Variants in ALDH4A1 observed in about 807,000 individuals in gnomAD.
ALDH4A1 encodes the protein delta-1-pyrroline-5-carboxylate dehydrogenase, mitochondrial.
A neutral mutation model predicts 70.5 loss-of-function variants in ALDH4A1; 46 were observed. The observed-to-expected ratio is 0.65, with a 90% confidence interval of 0.51 to 0.83. ALDH4A1 has a LOEUF of 0.83. Among genes scored for constraint, ALDH4A1 ranks in the 40% least tolerant of loss-of-function variants. The pLI is 0.00. For synonymous variants in ALDH4A1, 323 were observed against 324.3 expected (o/e 1.00, Z 0.04); for missense variants, 749 against 766.5 (o/e 0.98, Z 0.27).
At chr1:18,878,721 T>C (rs1173504475) in intron 9 of ALDH4A1, among the ~76,000 whole-genome samples, 4 of 152,234 alleles carry the variant, frequency 2.6e-5, no homozygotes, top group African/African-American at 7.2e-5. Flanking sequence ...TTCAAGGCTC[T>C]GAGAAGTTCT....
intron 1 of ALDH4A1, among the ~76,000 whole-genome samples, chr1:18,895,202 C>T (rs1348453643): frequency 6.6e-6 from 1 of 152,196 alleles, no homozygotes; most frequent in Non-Finnish European, 1.5e-5. Context: ...TCAGAGCAGC[C>T]CTCAGTCCTC....
At chr1:18,894,865 C>CTTTTTTTTTTTTTTTTTTTT (rs34445898) in intron 1 of ALDH4A1, among the ~76,000 whole-genome samples, 7 of 109,958 alleles carry the variant, frequency 6.4e-5, no homozygotes, top group East Asian at 5.2e-4. Flanking sequence ...TTCTTTCTTT[C>CTTTTTTTTTTTTTTTTTTTT]TTTTTTTTTT....
chr1:18,899,854 G>T (rs1935742834), intron 1 of ALDH4A1, among the ~76,000 whole-genome samples: 1 of 152,228 alleles, frequency 6.6e-6, no homozygotes, highest in Admixed American at 6.5e-5. Flanking sequence ...CACATGATTA[G>T]TTCATTCATT....
chr1:18,881,460 C>G (rs149019735), intron 8 of ALDH4A1, among the ~76,000 whole-genome samples: 3 of 152,284 alleles, frequency 2.0e-5, no homozygotes, highest in African/African-American at 7.2e-5. Flanking sequence ...AAGCTCTTTC[C>G]TGTTCATTAA....
rs776207072 is a variant in ALDH4A1, at chr1:18,872,859, C to A, written c.1678G>T (p.Ala560Ser). ...THKPLGDWSY[A>S]YMQ ...CCGAGAGGGGCTCACTGCATGTACG[C>A]GTAGCTCCAGTCCCCCAGGGGCTTA... The change falls in exon 15 of 15, where the codon GCG (alanine) becomes TCG (serine). Residue 560 changes from alanine (A) to serine (S), a missense_variant. Physicochemically the swap from Ala to Ser is moderately conservative, Grantham distance 99. Coordinates refer to ENST00000375341, the MANE Select transcript of ALDH4A1 (RefSeq NM_003748.4). The A allele has an allele frequency of 3.5e-5, 57 of 1,613,690 alleles. No homozygotes were observed. The highest frequency in any genetic ancestry group is 4.8e-5 in the Non-Finnish European group (57 of 1,179,946).
In ALDH4A1 at chr1:18,877,263, C is replaced by T. The variant is rs777494577; in HGVS notation, c.1138-8G>A. On this transcript the variant is annotated splice_region_variant and splice_polypyrimidine_tract_variant and intron_variant, in intron 10 of 14. Coordinates refer to ENST00000375341, the MANE Select transcript of ALDH4A1 (RefSeq NM_003748.4). ...CCCAAAATCCTCTGCAGGCTGGAGG[C>T]AAGGGAGGCGCCAGAAGAGACGAGT... 7 of 1,602,906 alleles carry T rather than the reference C, an allele frequency of 4.4e-6. No individual in the cohort carries two copies. In the Admixed American group the frequency reaches 1.2e-4, roughly 27 times the overall value.
At position 18,883,372 on chromosome 1, in the gene ALDH4A1, G is replaced by C; in HGVS notation, c.510C>G (p.Phe170Leu). ...IDAAAELIDF[F>L]RFNAKYAVEL... The stretch of plus-strand genomic sequence containing the variant: ...CCACCGCATACTTGGCATTGAACCG[G>C]AAGAAGTCGATGAGTTCCGCTGCAG... The change falls in exon 6 of 15, where the codon TTC becomes TTG. Residue 170 changes from phenylalanine (F) to leucine (L), a missense_variant. Physicochemically the swap from Phe to Leu is conservative, Grantham distance 22 (BLOSUM62 0). Transcript: ENST00000375341. 2.5e-6 allele frequency: 4 copies of C among 1,613,514 alleles called. No homozygotes were observed. Among genetic ancestry groups the C allele is most frequent in the Non-Finnish European group, 3.4e-6 (4 of 1,180,052 alleles).
rs781023676 is a variant in ALDH4A1, at chr1:18,883,445, C to T, written c.454-17G>A. ...GGTCTTACCCTGCAAGGCAGAGGGC[C>T]GGGGGTCAGGAGCAGCCAACAGCCT... On this transcript the variant is annotated splice_polypyrimidine_tract_variant and intron_variant, in intron 5 of 14. Coordinates refer to ENST00000375341, the MANE Select transcript of ALDH4A1 (RefSeq NM_003748.4). The T allele has an allele frequency of 1.1e-5, 17 of 1,612,804 alleles. No individual in the cohort carries two copies. Among genetic ancestry groups the T allele is most frequent in the Middle Eastern group, 1.6e-4 (1 of 6,080 alleles).
At chr1:18,885,684 G>T in intron 4 of ALDH4A1, 56 bp from the exon 5 acceptor site, 10 of 1,610,830 alleles carry the variant, frequency 6.2e-6, no homozygotes, top group African/African-American at 1.3e-5. Flanking sequence ...AGGCCCTGGG[G>T]AGTGAGCGAG....
At chr1:18,877,371 A>G in intron 10 of ALDH4A1, 45 bp downstream of exon 10, 1 of 1,552,812 alleles carries the variant, frequency 6.4e-7, no homozygotes, top group Non-Finnish European at 8.7e-7. Context: ...ACCCAATCCC[A>G]TCAGCCCCCC....
Position 18,889,322 on chromosome 1 carries a change from T to A in ALDH4A1, c.249+40A>T, listed in dbSNP as rs376496281. On this transcript the variant is annotated intron_variant, in intron 3 of 14. Transcript: ENST00000375341. Reference sequence around the variant, plus strand: ...GCTGTCAGAGAAAGAGGTCACATATTCAGGGGAGGGGCTGAGCTCTGCCCA... The same window carrying A: ...GCTGTCAGAGAAAGAGGTCACATATACAGGGGAGGGGCTGAGCTCTGCCCA... The A allele has an allele frequency of 2.3e-4, 356 of 1,515,404 alleles. 1 individual carries two copies. The African/African-American group carries it at 4.0e-3, about 17-fold the overall frequency. The allele number at this position is 1,515,404 out of a possible 1,614,324, so 93.9% of individuals were successfully genotyped here.
In ALDH4A1 at chr1:18,898,661, G is replaced by A. The variant is rs940693258; in HGVS notation, c.62+3801C>T. 3.3e-5 allele frequency among the ~76,000 whole-genome samples: 5 copies of A among 152,192 alleles called. No individual in the cohort carries two copies. Among genetic ancestry groups the A allele is most frequent in the African/African-American group, 1.2e-4 (5 of 41,458 alleles). On this transcript the variant is annotated intron_variant, in intron 1 of 14. Coordinates refer to ENST00000375341, the MANE Select transcript of ALDH4A1 (RefSeq NM_003748.4). This position sits in a 1 kb window ranked among gnomAD's most constrained non-coding sequence, Gnocchi z 4.3. Reference sequence around the variant, plus strand: ...CTACTGTCATCTTTATTTTCCATATGAGAACATAAGGGAGCCCAGAGAGGG... The same window carrying A: ...CTACTGTCATCTTTATTTTCCATATAAGAACATAAGGGAGCCCAGAGAGGG...
rs1350400482 is a variant in ALDH4A1, at chr1:18,874,627, T to C, written c.1461-46A>G. ...GACAGAGCAACCAGCTCATCTCCCC[T>C]CCAGCCCCAGCTCCAGCCTCAACAC... On this transcript the variant is annotated intron_variant, in intron 13 of 14. Coordinates refer to ENST00000375341, the MANE Select transcript of ALDH4A1 (RefSeq NM_003748.4). 6.3e-6 allele frequency: 10 copies of C among 1,587,198 alleles called. 1 individual carries two copies. In the South Asian group the frequency reaches 1.1e-4, roughly 18 times the overall value.
rs945130696 is a variant in ALDH4A1, at chr1:18,898,153, GA to G, written c.62+4308del. 1.7e-3 allele frequency among the ~76,000 whole-genome samples: 241 copies of G among 143,532 alleles called. No individual in the cohort carries two copies. The highest frequency in any genetic ancestry group is 4.6e-3 in the African/African-American group (182 of 39,274). 94.2% of individuals were successfully genotyped at this position (143,532 alleles called of 152,430 possible). On this transcript the variant is annotated intron_variant, in intron 1 of 14. Coordinates refer to ENST00000375341, the MANE Select transcript of ALDH4A1 (RefSeq NM_003748.4). The surrounding 1 kb of genome is among the most constrained non-coding windows in gnomAD (Gnocchi z 4.3). ...CAACATGGTGAAACCCCGTCTCTAC[GA>G]AAAAAAAAAAATACAAAAATTAGCT...
At position 18,902,551 on chromosome 1, in the gene ALDH4A1, G is replaced by T. The variant is rs1481003776; in HGVS notation, c.-28C>A. On this transcript the variant is annotated 5_prime_UTR_variant, in exon 1 of 15. Transcript: ENST00000375341. ...CGGGTTAGAAGCGGGGCTGTTCGCT[G>T]GATCGTCCGCCCGGGCGCGGCGAGA... 4 of 1,473,440 alleles carry T rather than the reference G, an allele frequency of 2.7e-6. No homozygotes were observed. The highest frequency in any genetic ancestry group is 3.6e-6 in the Non-Finnish European group (4 of 1,111,044). The allele number at this position is 1,473,440 out of a possible 1,614,324, so 91.3% of individuals were successfully genotyped here. A position where few individuals can be genotyped will look rare whatever the true frequency, so the allele number is the denominator to read the frequency against.
chr1:18,894,865 C>CTTTTTTTTTTTTTTTTTT (rs34445898), intron 1 of ALDH4A1, among the ~76,000 whole-genome samples: 16 of 109,918 alleles, frequency 1.5e-4, no homozygotes, highest in Non-Finnish European at 2.4e-4. Context: ...TTCTTTCTTT[C>CTTTTTTTTTTTTTTTTTT]TTTTTTTTTT....
intron 8 of ALDH4A1, among the ~76,000 whole-genome samples, chr1:18,879,756 C>T (rs896839913): frequency 2.0e-5 from 3 of 152,182 alleles, no homozygotes; most frequent in African/African-American, 4.8e-5. Flanking sequence ...GGGCACACTG[C>T]AGGTACCTGG....
chr1:18,876,564 G>T, intron 11 of ALDH4A1, 97 bp from the exon 12 acceptor site: 1 of 1,386,944 alleles, frequency 7.2e-7, no homozygotes, highest in Non-Finnish European at 9.7e-7. Context: ...TGCACCTGAA[G>T]GGCCCAACTC....
At chr1:18,899,409 G>T (rs1935724813) in intron 1 of ALDH4A1, among the ~76,000 whole-genome samples, 1 of 152,196 alleles carries the variant, frequency 6.6e-6, no homozygotes, top group Non-Finnish European at 1.5e-5. Context: ...GTCATGTCTG[G>T]GCTTGGCACA....
Sources: gnomAD v4.1 joint callset for allele counts (sites outside exome capture counted in the v4.1 genomes callset) on GRCh38, gnomAD v4.1.1 for gene constraint, Gnocchi (gnomAD v3.1) non-coding constraint, MANE v1.5 for transcripts, NCBI Gene and HGNC (gene_info 2026-07-23, HGNC 2026-07-21) for gene names.